Variants in PABPC4L observed in about 807,000 individuals in gnomAD.
PABPC4L encodes polyadenylate-binding protein 4-like.
For missense variants in PABPC4L, 452 were observed against 451.4 expected, an observed-to-expected ratio of 1.00 and a Z score of -0.01; for synonymous variants, 169 against 164.1, an observed-to-expected ratio of 1.03 and a Z score of -0.23.
the PABPC4L span, among the ~76,000 whole-genome samples, chr4:134,110,740 C>A: frequency 6.6e-6 from 1 of 151,762 alleles, no homozygotes; most frequent in East Asian, 1.9e-4. Context: ...TATGTTAAAT[C>A]ATCTCTAGAT....
chr4:134,121,393 A>G, the PABPC4L span, among the ~76,000 whole-genome samples: 1 of 151,584 alleles, frequency 6.6e-6, no homozygotes, highest in African/African-American at 2.4e-5. Context: ...GCGATTCTGA[A>G]TGATGTTACC....
the PABPC4L span, among the ~76,000 whole-genome samples, chr4:134,176,002 G>A: frequency 2.6e-5 from 4 of 152,206 alleles, no homozygotes; most frequent in African/African-American, 7.2e-5. Flanking sequence ...TTAAGCTAAG[G>A]ATAAATTTCT....
At chr4:133,961,299 C>A in the PABPC4L span, among the ~76,000 whole-genome samples, 1 of 152,082 alleles carries the variant, frequency 6.6e-6, no homozygotes, top group Non-Finnish European at 1.5e-5. Context: ...GTGGCTAGAC[C>A]CAGAAGAGAG....
the PABPC4L span, among the ~76,000 whole-genome samples, chr4:134,151,989 A>C: frequency 3.3e-5 from 5 of 151,956 alleles, no homozygotes; most frequent in Non-Finnish European, 4.4e-5. Context: ...TGTCCATATC[A>C]ATTTAGATAT....
At chr4:134,087,634 C>G in the PABPC4L span, among the ~76,000 whole-genome samples, 2 of 152,158 alleles carry the variant, frequency 1.3e-5, no homozygotes, top group Non-Finnish European at 2.9e-5. Flanking sequence ...CTGTATATAG[C>G]TGCATTCCAA....
chr4:133,974,432 G>A, the PABPC4L span, among the ~76,000 whole-genome samples: 20 of 151,904 alleles, frequency 1.3e-4, 1 homozygote, highest in African/African-American at 2.2e-4. Flanking sequence ...AAAACATAGC[G>A]TTAAATATTC....
At chr4:134,165,907 T>TA in the PABPC4L span, among the ~76,000 whole-genome samples, 2 of 152,060 alleles carry the variant, frequency 1.3e-5, no homozygotes, top group African/African-American at 2.4e-5. Flanking sequence ...ATGAGTGGAT[T>TA]AAAAAAATGT....
chr4:134,069,014 T>G, the PABPC4L span, among the ~76,000 whole-genome samples: 5 of 152,100 alleles, frequency 3.3e-5, no homozygotes, highest in African/African-American at 1.2e-4. Context: ...CCAGCCATGA[T>G]AGGTCTTAGG....
At chr4:133,957,646 G>A in the PABPC4L span, among the ~76,000 whole-genome samples, 2 of 152,152 alleles carry the variant, frequency 1.3e-5, no homozygotes, top group South Asian at 4.1e-4. Flanking sequence ...CCCAGCAGAG[G>A]TTCTCCATGA....
At chr4:134,194,794 A>G (rs1012207128), downstream of PABPC4L, among the ~76,000 whole-genome samples, 7 of 151,758 alleles carry the variant, frequency 4.6e-5, no homozygotes, top group African/African-American at 1.7e-4. Flanking sequence ...AATTTCCAGT[A>G]TATTGACAAA....
the PABPC4L span, among the ~76,000 whole-genome samples, chr4:134,107,702 T>C: frequency 6.6e-6 from 1 of 151,618 alleles, no homozygotes; most frequent in Non-Finnish European, 1.5e-5. Context: ...GATAGATTGG[T>C]TTATAAACAG....
chr4:134,127,982 A>C, the PABPC4L span, among the ~76,000 whole-genome samples: 1 of 152,148 alleles, frequency 6.6e-6, no homozygotes, highest in Non-Finnish European at 1.5e-5. Context: ...AACTTCTGGA[A>C]ATCAAGGACA....
At chr4:134,135,938 C>CT in the PABPC4L span, among the ~76,000 whole-genome samples, 1 of 152,088 alleles carries the variant, frequency 6.6e-6, no homozygotes, top group Non-Finnish European at 1.5e-5. Flanking sequence ...GTTTTTACCA[C>CT]TTTTTTATTT....
chr4:134,140,642 A>C, the PABPC4L span, among the ~76,000 whole-genome samples: 1 of 151,974 alleles, frequency 6.6e-6, no homozygotes, highest in South Asian at 2.1e-4. Flanking sequence ...AAGAGTAGAT[A>C]AATGTAGGGA....
chr4:134,137,472 A>G, the PABPC4L span, among the ~76,000 whole-genome samples: 1 of 151,808 alleles, frequency 6.6e-6, no homozygotes, highest in Non-Finnish European at 1.5e-5. Flanking sequence ...TGTTTAGCTT[A>G]TTTCACTGGA....
the PABPC4L span, among the ~76,000 whole-genome samples, chr4:134,095,136 T>A: frequency 2.2e-4 from 33 of 151,950 alleles, no homozygotes; most frequent in Non-Finnish European, 4.7e-4. Flanking sequence ...ATAAACATGC[T>A]TTTACTTCTT....
the PABPC4L span, among the ~76,000 whole-genome samples, chr4:134,182,971 G>T: frequency 6.6e-6 from 1 of 151,956 alleles, no homozygotes; most frequent in Non-Finnish European, 1.5e-5. Context: ...TGTTTGTGAG[G>T]CTGTGGAGAA....
At chr4:134,168,443 A>T in the PABPC4L span, among the ~76,000 whole-genome samples, 7 of 152,030 alleles carry the variant, frequency 4.6e-5, no homozygotes, top group African/African-American at 1.7e-4. Flanking sequence ...TGAAATTGAG[A>T]CAAAAAATAC....
chr4:134,189,011 G>T, the PABPC4L span, among the ~76,000 whole-genome samples: 1 of 151,700 alleles, frequency 6.6e-6, no homozygotes, highest in African/African-American at 2.4e-5. Flanking sequence ...TTTTCATTTT[G>T]TAAGTTTTGT....
Sources: gnomAD v4.1 joint callset for allele counts (sites outside exome capture counted in the v4.1 genomes callset) on GRCh38, gnomAD v4.1.1 for gene constraint, MANE v1.5 for transcripts, NCBI Gene and HGNC (gene_info 2026-07-23, HGNC 2026-07-21) for gene names.